SLC66A2: variants seen among roughly 807,000 people sequenced by gnomAD.
The protein encoded by SLC66A2 is PQ loop repeat containing 1.
In SLC66A2, 23 loss-of-function variants were observed where a neutral mutation model predicts 25.5. The ratio of observed to expected loss-of-function variants is 0.90; its 90% CI spans 0.65 to 1.28. The LOEUF (loss-of-function observed/expected upper bound fraction) is 1.28. Ranked by LOEUF, SLC66A2 falls within the 50% of genes most tolerant of loss-of-function variation. SLC66A2 has a pLI of 0.00. For synonymous variants in SLC66A2, 193 were observed against 166.5 expected, an observed-to-expected ratio of 1.16 and a Z score of -1.23; for missense variants, 396 against 373.1, an observed-to-expected ratio of 1.06 and a Z score of -0.51.
In SLC66A2 at chr18:79,903,692, A is replaced by G. The variant is rs530712175; in HGVS notation, c.*284T>C. 4 of 463,500 alleles carry G rather than the reference A, an allele frequency of 8.6e-6. No homozygotes were observed. The highest frequency in any genetic ancestry group is 3.1e-5 in the South Asian group (1 of 32,556). The allele number at this position is 463,500 out of a possible 1,614,324, so 28.7% of individuals were successfully genotyped here. ...GTACCTTGGGCTCAGACGGTGTTTC[A>G]TAAGAGGAAATGGGGAAAACACTTG... On this transcript the variant is annotated 3_prime_UTR_variant, in exon 6 of 6. Coordinates refer to ENST00000397778, the MANE Select transcript of SLC66A2 (RefSeq NM_025078.5).
chr18:79,911,824 G>A (rs968920116), intron 5 of SLC66A2, among the ~76,000 whole-genome samples: 1 of 136,362 alleles, frequency 7.3e-6, no homozygotes, highest in African/African-American at 2.8e-5. Context: ...AGGGGATGGA[G>A]CAGGAAGGGG....
intron 5 of SLC66A2, among the ~76,000 whole-genome samples, chr18:79,909,778 T>C (rs867631207): frequency 3.8e-4 from 13 of 34,038 alleles, no homozygotes; most frequent in East Asian, 9.3e-4. Context: ...ATCCTCACCA[T>C]AGAGTCCCCA....
In SLC66A2 at chr18:79,937,899, G is replaced by A. The variant is rs1271906518; in HGVS notation, c.338-3877C>T. On this transcript the variant is annotated intron_variant, in intron 3 of 5. Transcript: ENST00000397778. This position sits in a 1 kb window ranked among gnomAD's most constrained non-coding sequence, Gnocchi z 5.4. ...AGTACTCAGCAATCTTGTTAAAAAT[G>A]CAGGTGGCACTGATGCCGCAATACA... is the stretch of plus-strand genomic sequence containing the variant. Among the ~76,000 whole-genome samples, 2 of 152,078 alleles carry A rather than the reference G, an allele frequency of 1.3e-5. No individual in the cohort carries two copies. The highest frequency in any genetic ancestry group is 1.3e-4 in the Admixed American group (2 of 15,268).
chr18:79,915,711 C>T (rs1407185843), intron 5 of SLC66A2: 1 of 152,186 alleles, frequency 6.6e-6, no homozygotes, highest in Non-Finnish European at 1.5e-5. Flanking sequence ...TTTATAAAAG[C>T]AGAAGTTAGC....
chr18:79,946,061 G>C (rs982838830), intron 2 of SLC66A2, among the ~76,000 whole-genome samples: 4 of 152,236 alleles, frequency 2.6e-5, no homozygotes, highest in African/African-American at 9.6e-5. Flanking sequence ...ATGTTTAACA[G>C]AAGCAATGAA....
chr18:79,913,172 G>C (rs1288957659), intron 5 of SLC66A2, among the ~76,000 whole-genome samples: 1 of 152,202 alleles, frequency 6.6e-6, no homozygotes, highest in Non-Finnish European at 1.5e-5. Flanking sequence ...TGCCACACCT[G>C]CCTGGTCACC....
At chr18:79,906,083 A>T (rs1982088147) in intron 5 of SLC66A2, among the ~76,000 whole-genome samples, 1 of 152,180 alleles carries the variant, frequency 6.6e-6, no homozygotes, top group Admixed American at 6.5e-5. Context: ...TACTCTTTTG[A>T]TGCCTGTGGG....
At chr18:79,948,529 C>T (rs181018379) in intron 2 of SLC66A2, among the ~76,000 whole-genome samples, 3 of 152,222 alleles carry the variant, frequency 2.0e-5, no homozygotes, top group African/African-American at 7.2e-5. Context: ...TTTGTAGAGA[C>T]GGTGTCTTGC....
intron 5 of SLC66A2, among the ~76,000 whole-genome samples, chr18:79,909,964 G>C (rs1444423974): frequency 3.7e-5 from 4 of 106,874 alleles, no homozygotes; most frequent in Non-Finnish European, 5.4e-5. Flanking sequence ...AACCTCACCA[G>C]AGTCCCCAGC....
intron 3 of SLC66A2, among the ~76,000 whole-genome samples, chr18:79,938,133 G>A (rs1436094716): frequency 1.5e-5 from 2 of 131,082 alleles, no homozygotes; most frequent in Non-Finnish European, 1.6e-5. Flanking sequence ...GCAACAGAGT[G>A]AGACCCTGTC....
chr18:79,910,052 CAG>C lies in SLC66A2; in HGVS notation c.609-5871_609-5870del, dbSNP rs535982428. 2.6e-4 allele frequency among the ~76,000 whole-genome samples: 35 copies of C among 132,220 alleles called. 1 individual carries two copies. Among genetic ancestry groups the C allele is most frequent in the African/African-American group, 9.6e-4 (33 of 34,454 alleles). The allele number at this position is 132,220 out of a possible 152,430, so 86.7% of individuals were successfully genotyped here. A position where few individuals can be genotyped will look rare whatever the true frequency, so the allele number is the denominator to read the frequency against. ...TCCCCAGACTTCCCCACACCCTCGC[CAG>C]AGTCCCCAGCCTTCCCCACCATCTC... On this transcript the variant is annotated intron_variant, in intron 5 of 5. Coordinates refer to ENST00000397778, the MANE Select transcript of SLC66A2 (RefSeq NM_025078.5).
chr18:79,933,400 C>T (rs371217078), intron 4 of SLC66A2, among the ~76,000 whole-genome samples: 13 of 152,114 alleles, frequency 8.5e-5, no homozygotes, highest in African/African-American at 1.9e-4. Context: ...CCACTCTCAC[C>T]GCCTATAACC....
rs1984368134 is a variant in SLC66A2 at position 79,917,625 on chromosome 18, T to C, written c.608+1559A>G. Among the ~76,000 whole-genome samples the C allele has an allele frequency of 6.6e-6, 1 of 152,020 alleles. No individual in the cohort carries two copies. Among genetic ancestry groups the C allele is most frequent in the Admixed American group, 6.6e-5 (1 of 15,266 alleles). On this transcript the variant is annotated intron_variant, in intron 5 of 5. Coordinates refer to ENST00000397778, the MANE Select transcript of SLC66A2 (RefSeq NM_025078.5). The surrounding 1 kb of genome is among the most constrained non-coding windows in gnomAD (Gnocchi z 6.0). ...ATACGACGCCCGCCCTGAGACCCAC[T>C]TTCTCTCTGGGAGCATCCCTGCCTT...
chr18:79,923,048 C>T (rs867248296), intron 4 of SLC66A2, among the ~76,000 whole-genome samples: 8 of 151,542 alleles, frequency 5.3e-5, no homozygotes, highest in Admixed American at 3.9e-4. Flanking sequence ...GCTCGGCATC[C>T]GAGCTGGAAA....
chr18:79,922,389 C>T (rs968177298), intron 4 of SLC66A2, among the ~76,000 whole-genome samples: 1 of 151,806 alleles, frequency 6.6e-6, no homozygotes, highest in Non-Finnish European at 1.5e-5. Flanking sequence ...GGGTTAGGGG[C>T]GCAGCCCCCC....
At chr18:79,945,412 G>C (rs2050893284) in intron 2 of SLC66A2, among the ~76,000 whole-genome samples, 1 of 152,130 alleles carries the variant, frequency 6.6e-6, no homozygotes, top group Non-Finnish European at 1.5e-5. Flanking sequence ...ACCCAGGTCA[G>C]CAGCCATGGC....
intron 5 of SLC66A2, among the ~76,000 whole-genome samples, chr18:79,909,497 C>CCA (rs1346977026): frequency 1.6e-4 from 22 of 134,368 alleles, no homozygotes; most frequent in South Asian, 5.3e-4. Flanking sequence ...CACAACCTCA[C>CCA]CAGAGTCCCC....
chr18:79,928,324 T>G (rs1986212915), intron 4 of SLC66A2, among the ~76,000 whole-genome samples: 1 of 152,240 alleles, frequency 6.6e-6, no homozygotes. Flanking sequence ...GGAGAATGCT[T>G]GGCTGCTGCG....
At chr18:79,907,535 A>G (rs1000885497) in intron 5 of SLC66A2, among the ~76,000 whole-genome samples, 2 of 152,012 alleles carry the variant, frequency 1.3e-5, no homozygotes, top group African/African-American at 4.8e-5. Context: ...GTATTTTAGT[A>G]GAGATGGGTT....
Sources: allele counts gnomAD v4.1 joint callset (sites outside exome capture counted in the v4.1 genomes callset), GRCh38; gene constraint gnomAD v4.1.1; non-coding constraint Gnocchi (gnomAD v3.1); transcripts MANE v1.5; gene names NCBI Gene and HGNC (gene_info 2026-07-23, HGNC 2026-07-21).